PHACTR3: variants seen among roughly 807,000 people sequenced by gnomAD.
PHACTR3 encodes the protein protein phosphatase 1, regulatory subunit 123.
In PHACTR3, 16 loss-of-function variants were observed where a neutral mutation model predicts 66.8. The ratio of observed to expected loss-of-function variants is 0.24; its 90% CI spans 0.16 to 0.36. PHACTR3 has a LOEUF of 0.36. Among genes scored for constraint, PHACTR3 ranks in the 10% least tolerant of loss-of-function variants. The pLI, the probability that PHACTR3 is intolerant of heterozygous loss-of-function variation, is 1.00. For missense variants in PHACTR3, 647 were observed against 719.9 expected, an observed-to-expected ratio of 0.90 and a Z score of 1.16; for synonymous variants, 323 against 292.1, an observed-to-expected ratio of 1.11 and a Z score of -1.08.
At chr20:59,593,811 T>C (rs2033252998) in intron 1 of PHACTR3, among the ~76,000 whole-genome samples, 1 of 152,228 alleles carries the variant, frequency 6.6e-6, no homozygotes, top group Non-Finnish European at 1.5e-5. Context: ...CAGTTGACTA[T>C]ATTTATGTGG....
intron 1 of PHACTR3, among the ~76,000 whole-genome samples, chr20:59,669,408 A>G (rs2036113630): frequency 6.6e-6 from 1 of 152,188 alleles, no homozygotes; most frequent in East Asian, 1.9e-4. Context: ...AAATGAGGAA[A>G]ACCTGATCCA....
At position 59,668,260 on chromosome 20, in the gene PHACTR3, G is replaced by A. The variant is rs184448314; in HGVS notation, c.118+63128G>A. 1.9e-3 allele frequency among the ~76,000 whole-genome samples: 292 copies of A among 151,850 alleles called. 1 individual carries two copies. Among genetic ancestry groups the A allele is most frequent in the African/African-American group, 6.6e-3 (272 of 41,386 alleles). On this transcript the variant is annotated intron_variant, in intron 1 of 12. Coordinates refer to ENST00000371015, the MANE Select transcript of PHACTR3 (RefSeq NM_080672.5). Reference sequence around the variant, plus strand: ...TAGAGGTGGGCACATACTCCTGTATGGGGTTAGAGGTGGGCACGTACACCT... The same window carrying A: ...TAGAGGTGGGCACATACTCCTGTATAGGGTTAGAGGTGGGCACGTACACCT...
chr20:59,798,143 C>T (rs1306852872), intron 7 of PHACTR3, among the ~76,000 whole-genome samples: 1 of 152,142 alleles, frequency 6.6e-6, no homozygotes, highest in Non-Finnish European at 1.5e-5. Context: ...AGAACCCATT[C>T]TTCATAGGTG....
chr20:59,581,107 C>T (rs953837957), intron 1 of PHACTR3, among the ~76,000 whole-genome samples: 2 of 151,060 alleles, frequency 1.3e-5, no homozygotes, highest in Admixed American at 6.6e-5. Context: ...TCAGGAGGAT[C>T]GCAGAAGGAC....
At chr20:59,764,501 A>G (rs2040112890) in intron 4 of PHACTR3, among the ~76,000 whole-genome samples, 1 of 152,126 alleles carries the variant, frequency 6.6e-6, no homozygotes, top group South Asian at 2.1e-4. Flanking sequence ...AGGTTCGGGT[A>G]TTTTATACAG....
At chr20:59,785,894 A>C (rs1167676584) in intron 7 of PHACTR3, among the ~76,000 whole-genome samples, 18 of 11,812 alleles carry the variant, frequency 1.5e-3, no homozygotes, top group Middle Eastern at 0.062. Context: ...TTGTTTTCCA[A>C]CGGCCCTCTG....
At chr20:59,753,705 A>G (rs1484078229) in intron 3 of PHACTR3, among the ~76,000 whole-genome samples, 3 of 152,220 alleles carry the variant, frequency 2.0e-5, no homozygotes, top group Admixed American at 6.5e-5. Context: ...TCCCCATTTT[A>G]TAGATAAGGA....
At chr20:59,631,370 C>G (rs182912371) in intron 1 of PHACTR3, among the ~76,000 whole-genome samples, 71 of 152,320 alleles carry the variant, frequency 4.7e-4, no homozygotes, top group African/African-American at 1.6e-3. Flanking sequence ...ATGCCCCGCT[C>G]TTCTGTCCCC....
In PHACTR3 at chr20:59,621,884, C is replaced by A. The variant is rs146085371; in HGVS notation, c.118+16752C>A. Among the ~76,000 whole-genome samples, 395 of 152,350 alleles carry A rather than the reference C, an allele frequency of 2.6e-3. 1 individual carries two copies. Among genetic ancestry groups the A allele is most frequent in the African/African-American group, 8.8e-3 (366 of 41,570 alleles). ...TCCCTACCCACTCCCCTCCTTTCTT[C>A]CCAGAGACAAGAGGCAGCTCCTGGG... On this transcript the variant is annotated intron_variant, in intron 1 of 12. Transcript: ENST00000371015.
intron 7 of PHACTR3, among the ~76,000 whole-genome samples, chr20:59,789,749 G>T (rs1220897576): frequency 6.6e-6 from 1 of 152,238 alleles, no homozygotes. Flanking sequence ...TCACACAGGG[G>T]CTTATAAAGC....
intron 4 of PHACTR3, among the ~76,000 whole-genome samples, chr20:59,765,296 C>A (rs970712997): frequency 6.6e-6 from 1 of 152,110 alleles, no homozygotes; most frequent in Non-Finnish European, 1.5e-5. Flanking sequence ...CTTTTGAGGA[C>A]AGTTTAATGT....
chr20:59,805,994 G>GTCTCCTTTGT, intron 7 of PHACTR3, 47 bp from the exon 8 acceptor site: 1 of 1,580,614 alleles, frequency 6.3e-7, no homozygotes, highest in Non-Finnish European at 8.6e-7. Flanking sequence ...GCTAAGACCT[G>GTCTCCTTTGT]TCTCCTTTGT....
chr20:59,774,336 G>C lies in PHACTR3; in HGVS notation c.1020G>C (p.Glu340Asp), dbSNP rs781137477. ...TSSVERGKER[E>D]EAWSFDGALE... ...GCGTGGAGCGGGGCAAGGAGAGGGA[G>C]GAGGCTTGGAGCTTTGACGGGGCAT... The change falls in exon 7 of 13, where the codon GAG (glutamate) becomes GAC (aspartate). Residue 340 changes from glutamate (E) to aspartate (D), a missense_variant. This residue lies in a region of PHACTR3 where 577 missense variants were observed against 571.1 expected (regional missense o/e 1.01). Transcript: ENST00000371015. 1 of 1,614,194 alleles carries C rather than the reference G, an allele frequency of 6.2e-7. No homozygotes were observed. Among genetic ancestry groups the C allele is most frequent in the South Asian group, 1.1e-5 (1 of 91,078 alleles).
chr20:59,777,772 G>T (rs6027095), intron 7 of PHACTR3, among the ~76,000 whole-genome samples: 1 of 152,014 alleles, frequency 6.6e-6, no homozygotes, highest in South Asian at 2.1e-4. Flanking sequence ...CATCATCCCA[G>T]GGTACCTGGT....
intron 7 of PHACTR3, among the ~76,000 whole-genome samples, chr20:59,798,125 G>A (rs938156265): frequency 1.2e-4 from 18 of 152,170 alleles, no homozygotes; most frequent in African/African-American, 4.3e-4. Flanking sequence ...CAAGTTCAAT[G>A]TCTGGTGAGA....
rs1017958407 is a variant in PHACTR3, at chr20:59,604,710, T to G, written c.-305T>G. Reference sequence around the variant, plus strand: ...AAGTTTTTATTTCCTGGTTCAACTTTTTTTTTTTTCCCTGGAATATAGACT... The same window carrying G: ...AAGTTTTTATTTCCTGGTTCAACTTGTTTTTTTTTCCCTGGAATATAGACT... On this transcript the variant is annotated 5_prime_UTR_variant, in exon 1 of 13. Coordinates refer to ENST00000371015, the MANE Select transcript of PHACTR3 (RefSeq NM_080672.5). 34 of 1,022,438 alleles carry G rather than the reference T, an allele frequency of 3.3e-5. No homozygotes were observed. In the South Asian group the frequency reaches 1.4e-3, roughly 41 times the overall value. The allele number at this position is 1,022,438 out of a possible 1,614,324, so 63.3% of individuals were successfully genotyped here. A position where few individuals can be genotyped will look rare whatever the true frequency, so the allele number is the denominator to read the frequency against.
chr20:59,609,009 G>A (rs1052771795), intron 1 of PHACTR3, among the ~76,000 whole-genome samples: 1 of 152,206 alleles, frequency 6.6e-6, no homozygotes, highest in Admixed American at 6.5e-5. Context: ...AGGACGAATG[G>A]GCACAAGCCC....
intron 7 of PHACTR3, among the ~76,000 whole-genome samples, chr20:59,786,497 G>T (rs2040919529): frequency 6.6e-6 from 1 of 152,186 alleles, no homozygotes; most frequent in South Asian, 2.1e-4. Flanking sequence ...AGCCCTGGGG[G>T]CAGAGCCATC....
chr20:59,707,265 A>C lies in PHACTR3; in HGVS notation c.119-35842A>C, dbSNP rs915788304. ...TGTAGAGCCCCTGACTCATATTCTC[A>C]TAGCTTAGCAATCCTTACTTAGTGA... is the stretch of plus-strand genomic sequence containing the variant. On this transcript the variant is annotated intron_variant, in intron 1 of 12. Coordinates refer to ENST00000371015, the MANE Select transcript of PHACTR3 (RefSeq NM_080672.5). 3.9e-5 allele frequency among the ~76,000 whole-genome samples: 6 copies of C among 152,138 alleles called. No homozygotes were observed. The East Asian group carries it at 1.2e-3, about 29-fold the overall frequency.
Sources: allele counts gnomAD v4.1 joint callset (sites outside exome capture counted in the v4.1 genomes callset), GRCh38; gene constraint gnomAD v4.1.1; regional missense constraint gnomAD v4.1.1; transcripts MANE v1.5; gene names NCBI Gene and HGNC (gene_info 2026-07-23, HGNC 2026-07-21).